Variants in KCNH5 observed in about 807,000 individuals in gnomAD.
The protein encoded by KCNH5 is voltage-gated delayed rectifier potassium channel KCNH5.
Under a neutral mutation model 96.1 loss-of-function variants are expected in KCNH5, and 46 were observed. The observed-to-expected ratio is 0.48, with a 90% CI of 0.38 to 0.61. The LOEUF (loss-of-function observed/expected upper bound fraction) is 0.61, where lower values mean the gene tolerates loss of function less well. KCNH5 is among the 20% of genes least tolerant of loss of function. KCNH5 has a pLI of 0.00. For missense variants in KCNH5, 907 were observed against 1,225.8 expected (o/e 0.74, Z 3.88); for synonymous variants, 439 against 449.8 (o/e 0.98, Z 0.30).
chr14:62,748,222 C>A (rs551017850), intron 10 of KCNH5, among the ~76,000 whole-genome samples: 13 of 152,248 alleles, frequency 8.5e-5, no homozygotes, highest in African/African-American at 2.9e-4. Flanking sequence ...CACGCATCCA[C>A]CCTAGGTACA....
intron 8 of KCNH5, among the ~76,000 whole-genome samples, chr14:62,839,474 A>G (rs1887531431): frequency 1.3e-5 from 2 of 152,166 alleles, no homozygotes; most frequent in African/African-American, 4.8e-5. Context: ...CACAATACAT[A>G]TGGGTTAAGT....
At chr14:62,712,633 T>C (rs1224369105) in intron 10 of KCNH5, 3 of 768,840 alleles carry the variant, frequency 3.9e-6, no homozygotes, top group East Asian at 2.4e-5. Flanking sequence ...CTCGGATAGA[T>C]GAATGGGTGA....
At chr14:62,921,796 AAAG>A (rs67009423) in intron 7 of KCNH5, among the ~76,000 whole-genome samples, 352 of 152,256 alleles carry the variant, frequency 2.3e-3, no homozygotes, top group South Asian at 3.7e-3. Flanking sequence ...CACAATGGAC[AAAG>A]AAGGACAGAT....
At chr14:62,718,276 T>A (rs936468126) in intron 10 of KCNH5, among the ~76,000 whole-genome samples, 5 of 152,104 alleles carry the variant, frequency 3.3e-5, no homozygotes, top group African/African-American at 9.7e-5. Flanking sequence ...CCTGCATATC[T>A]ACCCCCGAAT....
chr14:62,843,558 T>C (rs1409831111), intron 8 of KCNH5, among the ~76,000 whole-genome samples: 1 of 151,890 alleles, frequency 6.6e-6, no homozygotes, highest in East Asian at 1.9e-4. Flanking sequence ...ACTACAGGCG[T>C]GCACCACCAC....
At chr14:62,777,654 A>G (rs1886125140) in intron 10 of KCNH5, among the ~76,000 whole-genome samples, 1 of 152,218 alleles carries the variant, frequency 6.6e-6, no homozygotes, top group African/African-American at 2.4e-5. Flanking sequence ...CACCAGTTAT[A>G]ACAGGAAACA....
intron 4 of KCNH5, among the ~76,000 whole-genome samples, chr14:62,995,892 T>C (rs1207286053): frequency 1.3e-5 from 2 of 152,076 alleles, no homozygotes; most frequent in Non-Finnish European, 2.9e-5. Flanking sequence ...TATTCCCAAT[T>C]TTTGGTTGGG....
At chr14:62,744,659 G>A (rs1885339077) in intron 10 of KCNH5, among the ~76,000 whole-genome samples, 1 of 152,156 alleles carries the variant, frequency 6.6e-6, no homozygotes, top group Non-Finnish European at 1.5e-5. Context: ...ACATAAGTTT[G>A]CATATTATAG....
intron 4 of KCNH5, among the ~76,000 whole-genome samples, chr14:62,999,082 C>T (rs185516568): frequency 0.023 from 3,491 of 152,220 alleles, 64 homozygotes; most frequent in Middle Eastern, 0.041. Context: ...AATGGTATTT[C>T]TAGTTCTAGA....
intron 10 of KCNH5, among the ~76,000 whole-genome samples, chr14:62,725,615 A>G (rs962133709): frequency 6.6e-6 from 1 of 152,210 alleles, no homozygotes; most frequent in African/African-American, 2.4e-5. Context: ...CACAATTTTG[A>G]GAGTCAGCTG....
At chr14:62,919,398 A>G (rs1889338242) in intron 7 of KCNH5, among the ~76,000 whole-genome samples, 2 of 152,176 alleles carry the variant, frequency 1.3e-5, no homozygotes, top group Admixed American at 6.5e-5. Flanking sequence ...TATGTTTTAT[A>G]AAGTTAGAAA....
At chr14:62,912,410 AT>A (rs34044347) in intron 7 of KCNH5, among the ~76,000 whole-genome samples, 4,569 of 141,684 alleles carry the variant, frequency 0.032, 82 homozygotes, top group East Asian at 0.099. Context: ...CTATATCTTG[AT>A]TTTTTTTTTT....
chr14:63,027,387 T>A (rs1356241104), intron 1 of KCNH5, among the ~76,000 whole-genome samples: 1 of 151,672 alleles, frequency 6.6e-6, no homozygotes, highest in African/African-American at 2.4e-5. Flanking sequence ...AATGAATATA[T>A]GAAATAGCTT....
At chr14:62,842,786 A>G (rs1887612093) in intron 8 of KCNH5, among the ~76,000 whole-genome samples, 1 of 152,230 alleles carries the variant, frequency 6.6e-6, no homozygotes, top group South Asian at 2.1e-4. Context: ...GTAAAACTAC[A>G]GTACTTAGCT....
At chr14:62,844,258 A>G (rs1230986056) in intron 8 of KCNH5, among the ~76,000 whole-genome samples, 1 of 152,082 alleles carries the variant, frequency 6.6e-6, no homozygotes, top group Non-Finnish European at 1.5e-5. Context: ...GATATTGGAA[A>G]ATACAAAAGG....
rs865788655 is a variant in KCNH5 at position 62,709,180 on chromosome 14, C to T, written c.2020-725G>A. ...CCCGGAAGGCGGAGCTTGCAGTGAG[C>T]GGAGATCGCGCCACAGCACTCCCGC... On this transcript the variant is annotated intron_variant, in intron 10 of 10. Coordinates refer to ENST00000322893, the MANE Select transcript of KCNH5 (RefSeq NM_139318.5). Among the ~76,000 whole-genome samples, 572 of 132,120 alleles carry T rather than the reference C, an allele frequency of 4.3e-3. 4 individuals carry two copies. The highest frequency in any genetic ancestry group is 0.015 in the African/African-American group (534 of 34,924). 86.7% of individuals were successfully genotyped at this position (132,120 alleles called of 152,430 possible).
chr14:62,805,805 C>G (rs17100387), intron 8 of KCNH5, among the ~76,000 whole-genome samples: 11,470 of 152,156 alleles, frequency 0.075, 659 homozygotes, highest in East Asian at 0.26. Flanking sequence ...TGTTTGTCCC[C>G]TCTTTGCAAC....
intron 7 of KCNH5, among the ~76,000 whole-genome samples, chr14:62,897,810 G>A (rs767761964): frequency 1.3e-5 from 2 of 152,016 alleles, no homozygotes; most frequent in Non-Finnish European, 2.9e-5. Flanking sequence ...TTTGTTTCTT[G>A]TTATCTCTCT....
Position 63,045,346 on chromosome 14 carries a change from CG to C in KCNH5, c.-161del. On this transcript the variant is annotated 5_prime_UTR_variant, in exon 1 of 11. Transcript: ENST00000322893. ...GGGTCCCCTGACTGTGTCTCCAGCCCGACCCGGATGAGCAGCTCTGGGGAGG... is the reference window on the plus strand; with the variant it reads ...GGGTCCCCTGACTGTGTCTCCAGCCCACCCGGATGAGCAGCTCTGGGGAGG... 1.5e-6 allele frequency: 1 copy of C among 646,754 alleles called. No homozygotes were observed. Among genetic ancestry groups the C allele is most frequent in the Non-Finnish European group, 2.8e-6 (1 of 358,228 alleles). 40.1% of individuals were successfully genotyped at this position (646,754 alleles called of 1,614,324 possible). A position where few individuals can be genotyped will look rare whatever the true frequency, so the allele number is the denominator to read the frequency against.
Sources: gnomAD v4.1 joint callset for allele counts (sites outside exome capture counted in the v4.1 genomes callset) on GRCh38, gnomAD v4.1.1 for gene constraint, MANE v1.5 for transcripts, NCBI Gene and HGNC (gene_info 2026-07-23, HGNC 2026-07-21) for gene names.